ZSCAN16: variants seen among roughly 807,000 people sequenced by gnomAD.
ZSCAN16 encodes zinc finger and SCAN domain containing 16.
A neutral mutation model predicts 19.4 loss-of-function variants in ZSCAN16; 15 were observed. The ratio of observed to expected loss-of-function variants is 0.77; its 90% CI spans 0.52 to 1.19. The LOEUF (loss-of-function observed/expected upper bound fraction) is 1.19. Among genes scored for constraint, ZSCAN16 ranks in the 50% most tolerant of loss-of-function variants. ZSCAN16 has a pLI of 0.00. For missense variants in ZSCAN16, 327 were observed against 415.7 expected, an observed-to-expected ratio of 0.79 and a Z score of 1.86; for synonymous variants, 138 against 146.5, an observed-to-expected ratio of 0.94 and a Z score of 0.42.
At chr6:28,126,238 ATATG>A (rs984882146) in intron 2 of ZSCAN16, among the ~76,000 whole-genome samples, 59 of 151,988 alleles carry the variant, frequency 3.9e-4, no homozygotes, top group African/African-American at 1.3e-3. Context: ...TGCAAGCTGT[ATATG>A]TATTTAAATT....
intron 2 of ZSCAN16, among the ~76,000 whole-genome samples, 191 bp downstream of exon 2, chr6:28,126,021 T>C (rs1351245982): frequency 6.6e-6 from 1 of 152,212 alleles, no homozygotes; most frequent in African/African-American, 2.4e-5. Flanking sequence ...ACTGATTCTA[T>C]GCCTGTTTGG....
Position 28,130,023 on chromosome 6 carries a change from T to A in ZSCAN16, c.*73T>A. 1 of 1,263,412 alleles carries A rather than the reference T, an allele frequency of 7.9e-7. No homozygotes were observed. Among genetic ancestry groups the A allele is most frequent in the Non-Finnish European group, 1.1e-6 (1 of 921,752 alleles). 78.3% of individuals were successfully genotyped at this position (1,263,412 alleles called of 1,614,324 possible). ...TATCAAAGAATCTATTTTAGAAACC[T>A]TGAGTTTCCTCAATGTGGTCAAAGC... On this transcript the variant is annotated 3_prime_UTR_variant, in exon 4 of 4. Coordinates refer to ENST00000340487, the MANE Select transcript of ZSCAN16 (RefSeq NM_025231.3).
At chr6:28,128,694 C>T (rs1303464203) in intron 3 of ZSCAN16, among the ~76,000 whole-genome samples, 3 of 152,122 alleles carry the variant, frequency 2.0e-5, no homozygotes, top group East Asian at 1.9e-4. Flanking sequence ...TTTTAATAAA[C>T]GATCCAGCTG....
In ZSCAN16 at chr6:28,126,920, T is replaced by C. The variant is rs1764923599; in HGVS notation, c.525T>C (p.Asn175=). 1.3e-6 allele frequency: 2 copies of C among 1,573,562 alleles called. No individual in the cohort carries two copies. The highest frequency in any genetic ancestry group is 1.7e-6 in the Non-Finnish European group (2 of 1,153,938). Residue 175 remains asparagine (N), a splice_region_variant and synonymous_variant, in exon 3 of 4, where the codon AAT becomes AAC. Transcript: ENST00000340487. ...AGGAAGCTGGGAAACCACAAAGGAATGGTAAGCAGGAACAGTTCTGAGTGT... is the reference window on the plus strand; with the variant it reads ...AGGAAGCTGGGAAACCACAAAGGAACGGTAAGCAGGAACAGTTCTGAGTGT... The part of the protein sequence containing the change: ...LEQEAGKPQR[N]GDKTRTKNEE...
Position 28,125,351 on chromosome 6 carries a change from T to C in ZSCAN16, c.-31-62T>C. The C allele has an allele frequency of 6.6e-7, 1 of 1,506,692 alleles. No homozygotes were observed. Among genetic ancestry groups the C allele is most frequent in the Non-Finnish European group, 8.8e-7 (1 of 1,131,898 alleles). 93.3% of individuals were successfully genotyped at this position (1,506,692 alleles called of 1,614,324 possible). On this transcript the variant is annotated intron_variant, in intron 1 of 3. Coordinates refer to ENST00000340487, the MANE Select transcript of ZSCAN16 (RefSeq NM_025231.3). This position sits in a 1 kb window ranked among gnomAD's most constrained non-coding sequence, Gnocchi z 6.2. The stretch of plus-strand genomic sequence containing the variant: ...TGTAATTTCTCTATGGTAACAACTT[T>C]TTATGCCTTAGGAGTGTCTCTGAGG...
chr6:28,125,292 T>A lies in ZSCAN16; in HGVS notation c.-31-121T>A. Reference sequence around the variant, plus strand: ...TCTGATTGACTTCTGGTGGCTTGGCTTCATTATGATGTGTTTATGTTCACA... The same window carrying A: ...TCTGATTGACTTCTGGTGGCTTGGCATCATTATGATGTGTTTATGTTCACA... On this transcript the variant is annotated intron_variant, in intron 1 of 3. Coordinates refer to ENST00000340487, the MANE Select transcript of ZSCAN16 (RefSeq NM_025231.3). This position sits in a 1 kb window ranked among gnomAD's most constrained non-coding sequence, Gnocchi z 6.2. 1 of 1,184,972 alleles carries A rather than the reference T, an allele frequency of 8.4e-7. No individual in the cohort carries two copies. The highest frequency in any genetic ancestry group is 1.7e-5 in the South Asian group (1 of 57,646). 73.4% of individuals were successfully genotyped at this position (1,184,972 alleles called of 1,614,324 possible).
In ZSCAN16 at chr6:28,129,943, T is replaced by C. The variant is rs770852446; in HGVS notation, c.1040T>C (p.Leu347Pro). 1 of 1,574,276 alleles carries C rather than the reference T, an allele frequency of 6.4e-7. No homozygotes were observed. The highest frequency in any genetic ancestry group is 1.2e-5 in the South Asian group (1 of 84,562). ...RHQRIHTANK[L>P]Y The stretch of plus-strand genomic sequence containing the variant: ...CAAAGAATTCATACCGCAAATAAAC[T>C]CTACTAATATAGCAGTAATATCAAA... Residue 347 changes from leucine (L) to proline (P), a missense_variant, in exon 4 of 4, where the codon CTC becomes CCC. Physicochemically the swap from Leu to Pro is moderately conservative, Grantham distance 98. Transcript: ENST00000340487.
At position 28,129,491 on chromosome 6, in the gene ZSCAN16, G is replaced by A. The variant is rs1581507189; in HGVS notation, c.588G>A (p.Lys196=). The change falls in exon 4 of 4, where the codon AAG becomes AAA. Residue 196 remains lysine, a synonymous_variant. Transcript: ENST00000340487. ...AGAAGGAAGATATGCCCAAAGACAA[G>A]GAATTCCTTGGGGAGATAAATGACA... The part of the protein sequence containing the change: ...LFQKEDMPKD[K]EFLGEINDRL... 1.2e-6 allele frequency: 2 copies of A among 1,613,902 alleles called. No individual in the cohort carries two copies. The highest frequency in any genetic ancestry group is 1.1e-5 in the South Asian group (1 of 91,022).
intron 1 of ZSCAN16, 126 bp downstream of exon 1, chr6:28,124,803 C>G (rs1357349018): frequency 1.3e-5 from 2 of 152,632 alleles, no homozygotes; most frequent in East Asian, 1.9e-4. Context: ...CCTCCGCCCC[C>G]CAACAGATCT....
Position 28,125,700 on chromosome 6 carries a change from TA to T in ZSCAN16, c.258del (p.Glu87AsnfsTer4), listed in dbSNP as rs1230423278. 3.1e-6 allele frequency: 5 copies of T among 1,614,094 alleles called. No homozygotes were observed. Among genetic ancestry groups the T allele is most frequent in the African/African-American group, 1.3e-5 (1 of 74,922 alleles). On this transcript the variant is annotated frameshift_variant, in exon 2 of 4. Transcript: ENST00000340487. LOFTEE classifies it high-confidence loss of function. The surrounding 1 kb of genome is among the most constrained non-coding windows in gnomAD (Gnocchi z 6.2). ...GAGCAGATTTTAGACCTGCTGGTGC[TA>T]GAACAGTTCCTGAGCATTCTTCCTA... Reference protein sequence around the residue: ...TKEQILDLLVLEQFLSILPKD... With the variant: ...TKEQILDLLVXEQFLSILPKD...
At chr6:28,128,050 C>A (rs867391418) in intron 3 of ZSCAN16, among the ~76,000 whole-genome samples, 2 of 152,172 alleles carry the variant, frequency 1.3e-5, no homozygotes, top group African/African-American at 2.4e-5. Flanking sequence ...TGTAAAGAAG[C>A]CTTTCAGTGC....
At position 28,125,780 on chromosome 6, in the gene ZSCAN16, G is replaced by C; in HGVS notation, c.337G>C (p.Val113Leu). The change falls in exon 2 of 4, where the codon GTG (valine) becomes CTG (leucine). Residue 113 changes from valine to leucine, a missense_variant. By Grantham distance (32) the Val-to-Leu change is conservative. Transcript: ENST00000340487. This position sits in a 1 kb window ranked among gnomAD's most constrained non-coding sequence, Gnocchi z 6.2. ...CCATCCAGAGACTGGAGAGGAGGCA[G>C]TGACGGTACTGGAGGATCTGGAGAG... ...AHHPETGEEA[V>L]TVLEDLEREL... 6.2e-7 allele frequency: 1 copy of C among 1,613,906 alleles called. No homozygotes were observed.
At position 28,126,876 on chromosome 6, in the gene ZSCAN16, A is replaced by C. The variant is rs1379958897; in HGVS notation, c.481A>C (p.Lys161Gln). 2 of 1,583,452 alleles carry C rather than the reference A, an allele frequency of 1.3e-6. No homozygotes were observed. The highest frequency in any genetic ancestry group is 1.7e-6 in the Non-Finnish European group (2 of 1,160,102). Residue 161 changes from lysine to glutamine, a missense_variant, in exon 3 of 4, where the codon AAA becomes CAA. By Grantham distance (53) the Lys-to-Gln change is moderately conservative. Coordinates refer to ENST00000340487, the MANE Select transcript of ZSCAN16 (RefSeq NM_025231.3). ...YESLTVQLHP[K>Q]KTQLEQEAGK... ...ATCACTGACTGTCCAGCTCCATCCC[A>C]AAAAGACCCAGCTGGAGCAGGAAGC...
Position 28,126,845 on chromosome 6 carries a change from A to G in ZSCAN16, c.450A>G (p.Pro150=). The G allele has an allele frequency of 6.3e-7, 1 of 1,592,326 alleles. No individual in the cohort carries two copies. The highest frequency in any genetic ancestry group is 8.6e-7 in the Non-Finnish European group (1 of 1,165,776). Residue 150 remains proline (P), a synonymous_variant, in exon 3 of 4, where the codon CCA becomes CCG. Transcript: ENST00000340487. ...LMDKLAPLGR[P]YESLTVQLHP... Reference sequence around the variant, plus strand: ...ACAAGTTGGCCCCCTTGGGAAGGCCATATGAATCACTGACTGTCCAGCTCC... The same window carrying G: ...ACAAGTTGGCCCCCTTGGGAAGGCCGTATGAATCACTGACTGTCCAGCTCC...
chr6:28,126,785 C>T lies in ZSCAN16; in HGVS notation c.390C>T (p.Val130=). Residue 130 remains valine, a splice_region_variant and synonymous_variant, in exon 3 of 4, where the codon GTC becomes GTT. Transcript: ENST00000340487. ...ERELDEPGKQ[V]PGNSERRDIL... ...CTTACACACCTCATTTTCCCTAGGT[C>T]CCAGGCAATTCAGAAAGACGGGACA... The T allele has an allele frequency of 6.8e-7, 1 of 1,471,106 alleles. No individual in the cohort carries two copies. 91.1% of individuals were successfully genotyped at this position (1,471,106 alleles called of 1,614,324 possible).
At chr6:28,126,534 T>A (rs1358724018) in intron 2 of ZSCAN16, among the ~76,000 whole-genome samples, 1 of 152,166 alleles carries the variant, frequency 6.6e-6, no homozygotes, top group Non-Finnish European at 1.5e-5. Context: ...TAAGCTACCT[T>A]CCAAATCCCA....
At chr6:28,127,727 C>T (rs745487299) in intron 3 of ZSCAN16, among the ~76,000 whole-genome samples, 1 of 152,138 alleles carries the variant, frequency 6.6e-6, no homozygotes, top group Non-Finnish European at 1.5e-5. Flanking sequence ...CATCCCAGCT[C>T]CCTAATTACA....
rs139859579 is a variant in ZSCAN16, at chr6:28,126,853, C to A, written c.458C>A (p.Ser153Ter). 55 of 1,592,408 alleles carry A rather than the reference C, an allele frequency of 3.5e-5. No homozygotes were observed. The African/African-American group carries it at 7.1e-4, about 21-fold the overall frequency. Reference protein sequence around the residue: ...KLAPLGRPYESLTVQLHPKKT... With the variant: ...KLAPLGRPYE ...GCCCCCTTGGGAAGGCCATATGAAT[C>A]ACTGACTGTCCAGCTCCATCCCAAA... The change falls in exon 3 of 4, where the codon TCA becomes TAA. Residue 153 changes from serine (S) to a stop codon, truncating the protein, a stop_gained. Coordinates refer to ENST00000340487, the MANE Select transcript of ZSCAN16 (RefSeq NM_025231.3). LOFTEE classifies it high-confidence loss of function.
In ZSCAN16 at chr6:28,129,800, A is replaced by G; in HGVS notation, c.897A>G (p.Lys299=). Residue 299 remains lysine (K), a synonymous_variant, in exon 4 of 4, where the codon AAA becomes AAG. Coordinates refer to ENST00000340487, the MANE Select transcript of ZSCAN16 (RefSeq NM_025231.3). ...CCTATAAATGTAAAGAATGTGGGAA[A>G]GACTTCAGTGGGCGCACAGGTCTTA... The part of the protein sequence containing the change: ...VKPYKCKECG[K]DFSGRTGLIQ... 6.2e-7 allele frequency: 1 copy of G among 1,614,208 alleles called. No homozygotes were observed. The highest frequency in any genetic ancestry group is 8.5e-7 in the Non-Finnish European group (1 of 1,180,026).
Sources: gnomAD v4.1 joint callset for allele counts (sites outside exome capture counted in the v4.1 genomes callset) on GRCh38, gnomAD v4.1.1 for gene constraint, Gnocchi (gnomAD v3.1) non-coding constraint, MANE v1.5 for transcripts, NCBI Gene and HGNC (gene_info 2026-07-23, HGNC 2026-07-21) for gene names.